The following UNC80 variants were observed in gnomAD, a reference collection of about 807,000 sequenced individuals.
The protein encoded by UNC80 is protein unc-80 homolog.
A neutral mutation model predicts 384.6 loss-of-function variants in UNC80; 164 were observed. The observed-to-expected ratio is 0.43, with a 90% confidence interval of 0.38 to 0.49. The LOEUF (loss-of-function observed/expected upper bound fraction) is 0.49. UNC80 is among the 20% of genes least tolerant of loss of function. The pLI, the probability that UNC80 is intolerant of heterozygous loss-of-function variation, is 0.00. For synonymous variants in UNC80, 1,486 were observed against 1,527.8 expected (o/e 0.97, Z 0.64); for missense variants, 3,330 against 4,143.0 (o/e 0.80, Z 5.39).
intron 2 of UNC80, among the ~76,000 whole-genome samples, chr2:209,774,964 T>C (rs954472927): frequency 3.3e-5 from 5 of 152,194 alleles, no homozygotes; most frequent in African/African-American, 1.2e-4. Context: ...ATTCCAATAA[T>C]ACAGTTTGAA....
chr2:209,943,557 T>G, intron 45 of UNC80, 43 bp downstream of exon 45: 1 of 1,546,952 alleles, frequency 6.5e-7, no homozygotes, highest in Non-Finnish European at 8.7e-7. Flanking sequence ...ACCAACAAAA[T>G]GAGAAAAGCA....
chr2:209,894,260 T>A lies in UNC80; in HGVS notation c.4374T>A (p.Ile1458=). ...QVKKGGSLSS[I]RRVGSLKSSK... ...AGAAGGGGGGTTCCTTGTCCAGCAT[T>A]CGCCGGGTCGGCAGCTTAAAGAGCA... Residue 1458 remains isoleucine, a synonymous_variant, in exon 27 of 65, where the codon ATT becomes ATA. Transcript: ENST00000673920. The A allele has an allele frequency of 1.0e-6, 1 of 985,396 alleles. No homozygotes were observed. 61.0% of individuals were successfully genotyped at this position (985,396 alleles called of 1,614,324 possible).
chr2:209,778,362 T>C (rs773920552), intron 4 of UNC80, among the ~76,000 whole-genome samples: 2 of 152,192 alleles, frequency 1.3e-5, no homozygotes. Flanking sequence ...ATCGTGCCAC[T>C]GTACTCCAGC....
At chr2:209,890,934 T>A (rs1185910310) in intron 26 of UNC80, among the ~76,000 whole-genome samples, 1 of 152,246 alleles carries the variant, frequency 6.6e-6, no homozygotes, top group African/African-American at 2.4e-5. Flanking sequence ...AACTTCACTA[T>A]TTGATTTTGC....
At chr2:209,969,058 G>A (rs1266685936) in intron 52 of UNC80, 1 of 152,158 alleles carries the variant, frequency 6.6e-6, no homozygotes, top group African/African-American at 2.4e-5. Flanking sequence ...AGAAAGTATT[G>A]CCAGGAAAAT....
intron 13 of UNC80, among the ~76,000 whole-genome samples, chr2:209,822,947 AG>A (rs1024805834): frequency 1.3e-5 from 2 of 152,276 alleles, no homozygotes; most frequent in East Asian, 1.9e-4. Flanking sequence ...TATTCTTTTT[AG>A]TACAAATAAT....
chr2:209,962,294 C>T (rs2092617625), intron 51 of UNC80, among the ~76,000 whole-genome samples: 1 of 152,066 alleles, frequency 6.6e-6, no homozygotes, highest in African/African-American at 2.4e-5. Context: ...GTTTCCATGG[C>T]TAGCCTTGGA....
At chr2:209,970,700 A>G in intron 53 of UNC80, 132 bp from the exon 54 acceptor site, 1 of 1,214,324 alleles carries the variant, frequency 8.2e-7, no homozygotes, top group Non-Finnish European at 1.1e-6. Flanking sequence ...GCAACAAGAA[A>G]GAAAAGATTG....
At chr2:209,813,133 AG>A (rs2153827246) in intron 7 of UNC80, among the ~76,000 whole-genome samples, 1 of 152,338 alleles carries the variant, frequency 6.6e-6, no homozygotes. Flanking sequence ...TCAGGGTAAA[AG>A]TCAAACCTGA....
At chr2:209,816,045 T>C (rs921003912) in intron 9 of UNC80, among the ~76,000 whole-genome samples, 1 of 152,232 alleles carries the variant, frequency 6.6e-6, no homozygotes, top group African/African-American at 2.4e-5. Flanking sequence ...CGATATTAAC[T>C]TATTATGAGC....
intron 23 of UNC80, among the ~76,000 whole-genome samples, chr2:209,875,567 C>T (rs560242235): frequency 3.8e-4 from 58 of 152,246 alleles, no homozygotes; most frequent in African/African-American, 1.3e-3. Context: ...ACCTTTCATC[C>T]TTCTCAAGAA....
chr2:209,917,776 G>T lies in UNC80; in HGVS notation c.5030-1G>T. ...GCTGATGAATTGTTGACTGTCTCTAGCTGCCATGTTCCTGCTGTGTGCAGT... is the reference window on the plus strand; with the variant it reads ...GCTGATGAATTGTTGACTGTCTCTATCTGCCATGTTCCTGCTGTGTGCAGT... On this transcript the variant is annotated splice_acceptor_variant, in intron 31 of 64. Transcript: ENST00000673920. LOFTEE classifies it high-confidence loss of function. 6.4e-7 allele frequency: 1 copy of T among 1,551,926 alleles called. No individual in the cohort carries two copies.
chr2:209,780,529 T>G (rs1170233832), intron 4 of UNC80, among the ~76,000 whole-genome samples: 5 of 152,196 alleles, frequency 3.3e-5, no homozygotes, highest in Non-Finnish European at 7.3e-5. Context: ...GCCTTGGCAC[T>G]GTTGGCATTT....
chr2:209,844,719 A>G (rs2082053575), intron 21 of UNC80, among the ~76,000 whole-genome samples: 1 of 151,588 alleles, frequency 6.6e-6, no homozygotes, highest in Admixed American at 6.6e-5. Context: ...CCTTGCAAGT[A>G]GCTAGGATTA....
intron 51 of UNC80, among the ~76,000 whole-genome samples, chr2:209,964,321 A>G (rs1215426850): frequency 1.3e-5 from 2 of 152,184 alleles, no homozygotes; most frequent in Non-Finnish European, 2.9e-5. Context: ...TACACACCAC[A>G]TACACCACCT....
At chr2:209,842,978 A>G (rs2081875513) in intron 21 of UNC80, among the ~76,000 whole-genome samples, 1 of 152,222 alleles carries the variant, frequency 6.6e-6, no homozygotes, top group Non-Finnish European at 1.5e-5. Flanking sequence ...CAAGATGCAC[A>G]CACATACACA....
intron 21 of UNC80, among the ~76,000 whole-genome samples, chr2:209,843,191 G>A (rs1046529669): frequency 2.0e-5 from 3 of 152,160 alleles, no homozygotes; most frequent in African/African-American, 7.2e-5. Context: ...TCTACAAAAT[G>A]TGGAACTTAG....
chr2:209,783,606 G>A (rs939512132), intron 4 of UNC80, among the ~76,000 whole-genome samples: 17 of 152,134 alleles, frequency 1.1e-4, no homozygotes, highest in African/African-American at 3.6e-4. Context: ...GATGTATTTA[G>A]TAAAACAAAA....
At chr2:209,901,385 C>A (rs754119283) in intron 28 of UNC80, among the ~76,000 whole-genome samples, 8 of 152,198 alleles carry the variant, frequency 5.3e-5, no homozygotes, top group Non-Finnish European at 7.4e-5. Flanking sequence ...GGATGACAGC[C>A]CATCTGTTTC....
Sources: allele counts gnomAD v4.1 joint callset (sites outside exome capture counted in the v4.1 genomes callset), GRCh38; gene constraint gnomAD v4.1.1; transcripts MANE v1.5; gene names NCBI Gene and HGNC (gene_info 2026-07-23, HGNC 2026-07-21).